Variants in FGL1 observed in about 807,000 individuals in gnomAD.
FGL1 encodes the protein fibrinogen-like protein 1.
Under a neutral mutation model 43.7 loss-of-function variants are expected in FGL1, and 59 were observed. The ratio of observed to expected loss-of-function variants is 1.35; its 90% CI spans 1.10 to 1.68. The LOEUF (loss-of-function observed/expected upper bound fraction) is 1.68, where lower values mean the gene tolerates loss of function less well. FGL1 is among the 40% of genes most tolerant of loss of function. FGL1 has a pLI of 0.00. For synonymous variants in FGL1, 192 were observed against 126.5 expected, an observed-to-expected ratio of 1.52 and a Z score of -3.48; for missense variants, 596 against 373.0, an observed-to-expected ratio of 1.60 and a Z score of -4.92.
chr8:17,893,329 C>T (rs1342682668), intron 1 of FGL1, among the ~76,000 whole-genome samples: 2 of 151,964 alleles, frequency 1.3e-5, no homozygotes, highest in South Asian at 2.1e-4. Context: ...CTGAATGATG[C>T]ACCTATATAT....
chr8:17,869,966 C>T (rs1193158186), intron 5 of FGL1, among the ~76,000 whole-genome samples: 4 of 151,942 alleles, frequency 2.6e-5, no homozygotes, highest in African/African-American at 7.3e-5. Flanking sequence ...AAAAATTAGC[C>T]GGGCATGGTG....
chr8:17,881,920 C>G (rs2053541994), intron 3 of FGL1, 79 bp downstream of exon 3: 1 of 1,173,434 alleles, frequency 8.5e-7, no homozygotes, highest in African/African-American at 1.5e-5. Flanking sequence ...ATAGGAAAAG[C>G]CTGAAATAAC....
intron 3 of FGL1, among the ~76,000 whole-genome samples, chr8:17,881,114 T>C (rs141062241): frequency 5.5e-4 from 82 of 150,178 alleles, no homozygotes; most frequent in African/African-American, 1.9e-3. Context: ...AAATTCCCAA[T>C]TGTAATCTGC....
intron 1 of FGL1, among the ~76,000 whole-genome samples, chr8:17,887,970 T>G (rs902497891): frequency 6.6e-6 from 1 of 152,196 alleles, no homozygotes; most frequent in African/African-American, 2.4e-5. Flanking sequence ...ATATTTTTTC[T>G]TTAAAATTCA....
intron 5 of FGL1, among the ~76,000 whole-genome samples, chr8:17,873,667 T>C (rs1356758182): frequency 6.9e-6 from 1 of 144,168 alleles, no homozygotes; most frequent in Non-Finnish European, 1.5e-5. Context: ...AGAATATATA[T>C]ATATTCTATA....
intron 3 of FGL1, among the ~76,000 whole-genome samples, chr8:17,876,243 A>T (rs2053454670): frequency 2.6e-5 from 4 of 152,246 alleles, no homozygotes; most frequent in Admixed American, 2.6e-4. Context: ...TAAAGATTTA[A>T]AAACAAATGT....
Position 17,885,408 on chromosome 8 carries a change from A to G in FGL1, c.63+84T>C. On this transcript the variant is annotated intron_variant, in intron 2 of 7. Coordinates refer to ENST00000427924, the MANE Select transcript of FGL1 (RefSeq NM_004467.4). The stretch of plus-strand genomic sequence containing the variant: ...AGTTAAGTTTTTTCAATGACAAGTC[A>G]CTATAGGTTTAATGCAAAATGAAAG... The G allele has an allele frequency of 3.5e-6, 4 of 1,156,936 alleles. No individual in the cohort carries two copies. The East Asian group carries it at 9.5e-5, about 27-fold the overall frequency. 71.7% of individuals were successfully genotyped at this position (1,156,936 alleles called of 1,614,324 possible). A position where few individuals can be genotyped will look rare whatever the true frequency, so the allele number is the denominator to read the frequency against.
At chr8:17,871,828 T>A (rs1437245556) in intron 5 of FGL1, among the ~76,000 whole-genome samples, 5 of 152,138 alleles carry the variant, frequency 3.3e-5, no homozygotes, top group African/African-American at 1.2e-4. Flanking sequence ...CCAGCCTGAG[T>A]ACCAAGTTGA....
intron 1 of FGL1, among the ~76,000 whole-genome samples, chr8:17,887,119 G>C (rs2053639849): frequency 6.6e-6 from 1 of 152,068 alleles, no homozygotes; most frequent in Non-Finnish European, 1.5e-5. Flanking sequence ...AAAAGGGTGA[G>C]GCTTTCCCAG....
chr8:17,868,843 C>A, intron 6 of FGL1, 73 bp downstream of exon 6: 1 of 1,457,600 alleles, frequency 6.9e-7, no homozygotes, highest in East Asian at 2.3e-5. Context: ...ATTTTTATTT[C>A]CACTGACTCC....
intron 7 of FGL1, among the ~76,000 whole-genome samples, chr8:17,865,403 G>A (rs17125751): frequency 1.3e-5 from 2 of 152,084 alleles, no homozygotes; most frequent in African/African-American, 4.8e-5. Context: ...CTAAGACTTA[G>A]CTTTCATAAT....
intron 2 of FGL1, among the ~76,000 whole-genome samples, chr8:17,883,902 T>C (rs1020209173): frequency 4.0e-5 from 6 of 150,672 alleles, no homozygotes; most frequent in Non-Finnish European, 5.9e-5. Context: ...TTTTCTTTTC[T>C]TTTGTTCTTT....
chr8:17,888,794 A>G (rs2053664454), intron 1 of FGL1, among the ~76,000 whole-genome samples: 1 of 152,214 alleles, frequency 6.6e-6, no homozygotes, highest in East Asian at 1.9e-4. Flanking sequence ...ATTTGTAAAG[A>G]AGGCTTAGAA....
rs778552509 is a variant in FGL1 at position 17,868,996 on chromosome 8, T to C, written c.511A>G (p.Thr171Ala). 2 of 1,594,208 alleles carry C rather than the reference T, an allele frequency of 1.3e-6. No individual in the cohort carries two copies. The highest frequency in any genetic ancestry group is 8.6e-7 in the Non-Finnish European group (1 of 1,168,742). ...LHFLTTQEDY[T>A]LKIDLADFEK... ...AAATCTGCAAGGTCGATTTTTAAAG[T>C]GTAGTCTTCTAAAAAAGAAACAAGC... Residue 171 changes from threonine to alanine, a missense_variant, in exon 6 of 8, where the codon ACT becomes GCT. Physicochemically the swap from Thr to Ala is moderately conservative, Grantham distance 58. Transcript: ENST00000427924.
intron 1 of FGL1, among the ~76,000 whole-genome samples, chr8:17,888,009 G>C (rs2053654125): frequency 6.6e-6 from 1 of 151,552 alleles, no homozygotes. Flanking sequence ...ACCTATCTTA[G>C]GCCCAGTGAT....
At chr8:17,891,440 G>A (rs2053703498) in intron 1 of FGL1, 1 of 152,250 alleles carries the variant, frequency 6.6e-6, no homozygotes, top group African/African-American at 2.4e-5. Context: ...TCTTTCCTCT[G>A]TGTGTCTCTG....
intron 3 of FGL1, among the ~76,000 whole-genome samples, chr8:17,875,547 T>TCTCTCTC (rs1563452433): frequency 1.2e-4 from 2 of 16,268 alleles, no homozygotes; most frequent in African/African-American, 3.3e-4. Flanking sequence ...CTTTCTTTCT[T>TCTCTCTC]TCTTTCTTTC....
rs755347891 is a variant in FGL1, at chr8:17,874,411, C to G, written c.355G>C (p.Gly119Arg). ...GATCGTCTCTGAATTACAGTCCATCCTCCTCCATCGGACATGTCACAATAA... is the reference window on the plus strand; with the variant it reads ...GATCGTCTCTGAATTACAGTCCATCGTCCTCCATCGGACATGTCACAATAA... ...SVYCDMSDGG[G>R]WTVIQRRSDG... The change falls in exon 4 of 8, where the codon GGA (glycine) becomes CGA (arginine). Residue 119 changes from glycine (G) to arginine (R), a missense_variant. Transcript: ENST00000427924. 5.0e-6 allele frequency: 8 copies of G among 1,614,000 alleles called. No homozygotes were observed. The African/African-American group carries it at 8.0e-5, about 16-fold the overall frequency.
At chr8:17,871,786 T>C (rs918870046) in intron 5 of FGL1, among the ~76,000 whole-genome samples, 8 of 152,220 alleles carry the variant, frequency 5.3e-5, no homozygotes, top group Admixed American at 4.6e-4. Flanking sequence ...GCCCAGGAAC[T>C]GAAAAACACG....
Sources: gnomAD v4.1 joint callset for allele counts (sites outside exome capture counted in the v4.1 genomes callset) on GRCh38, gnomAD v4.1.1 for gene constraint, MANE v1.5 for transcripts, NCBI Gene and HGNC (gene_info 2026-07-23, HGNC 2026-07-21) for gene names.